HPSE2: variants seen among roughly 807,000 people sequenced by gnomAD.
HPSE2 encodes heparanase 2 (inactive).
A neutral mutation model predicts 60.5 loss-of-function variants in HPSE2; 38 were observed. The ratio of observed to expected loss-of-function variants is 0.63; its 90% CI spans 0.48 to 0.82. The LOEUF (loss-of-function observed/expected upper bound fraction) is 0.82. Ranked by LOEUF, HPSE2 falls within the 40% of genes least tolerant of loss-of-function variation. The pLI is 0.00. For synonymous variants in HPSE2, 295 were observed against 293.2 expected (o/e 1.01, Z -0.06); for missense variants, 713 against 740.4 (o/e 0.96, Z 0.43).
At chr10:98,594,186 C>T (rs556834708) in intron 9 of HPSE2, among the ~76,000 whole-genome samples, 1 of 151,972 alleles carries the variant, frequency 6.6e-6, no homozygotes, top group African/African-American at 2.4e-5. Flanking sequence ...TAGTGATTTT[C>T]AAGAATACAT....
intron 9 of HPSE2, among the ~76,000 whole-genome samples, chr10:98,580,824 T>TTATATATATATATATATATA (rs779671429): frequency 0.012 from 1,572 of 128,256 alleles, 29 homozygotes; most frequent in Middle Eastern, 0.02. Flanking sequence ...GTGCTTGGTT[T>TTATATATATATATATATATA]TATATATATA....
chr10:98,561,663 C>A (rs1944186492), intron 9 of HPSE2, among the ~76,000 whole-genome samples: 1 of 152,086 alleles, frequency 6.6e-6, no homozygotes, highest in African/African-American at 2.4e-5. Flanking sequence ...GCCTGGCCAA[C>A]ATGGTGAAAC....
At chr10:98,906,234 T>C (rs1243440203) in intron 3 of HPSE2, among the ~76,000 whole-genome samples, 1 of 152,172 alleles carries the variant, frequency 6.6e-6, no homozygotes, top group Non-Finnish European at 1.5e-5. Context: ...TGAAGAACAA[T>C]TTCCCCCCAA....
At chr10:98,991,101 T>C (rs1458393830) in intron 3 of HPSE2, among the ~76,000 whole-genome samples, 1 of 152,220 alleles carries the variant, frequency 6.6e-6, no homozygotes, top group African/African-American at 2.4e-5. Context: ...CTACCCATTT[T>C]TTAAAAATGT....
intron 2 of HPSE2, among the ~76,000 whole-genome samples, chr10:99,178,056 A>C (rs1412412676): frequency 6.6e-6 from 1 of 151,940 alleles, no homozygotes; most frequent in Non-Finnish European, 1.5e-5. Context: ...GATATAAATA[A>C]GTTCTTTGAA....
At chr10:98,818,387 G>T (rs191495353) in intron 3 of HPSE2, among the ~76,000 whole-genome samples, 1 of 152,258 alleles carries the variant, frequency 6.6e-6, no homozygotes, top group Non-Finnish European at 1.5e-5. Flanking sequence ...TCCCTCGCTT[G>T]TGCAGTTCAC....
chr10:98,745,987 T>C (rs1365240845), intron 3 of HPSE2, among the ~76,000 whole-genome samples: 1 of 152,120 alleles, frequency 6.6e-6, no homozygotes, highest in Non-Finnish European at 1.5e-5. Context: ...AAGCAGGATA[T>C]AGGAAGACTG....
intron 3 of HPSE2, among the ~76,000 whole-genome samples, chr10:98,745,334 T>C (rs1013039069): frequency 2.0e-5 from 3 of 152,252 alleles, no homozygotes; most frequent in African/African-American, 7.2e-5. Context: ...TTTTTCTGGC[T>C]GTCATTTACA....
chr10:98,970,107 G>A (rs1279708585), intron 3 of HPSE2, among the ~76,000 whole-genome samples: 1 of 152,078 alleles, frequency 6.6e-6, no homozygotes, highest in East Asian at 1.9e-4. Context: ...GATTACAGGT[G>A]CCCGCCACCA....
At chr10:98,630,207 T>G (rs1038698197) in intron 7 of HPSE2, among the ~76,000 whole-genome samples, 8 of 150,514 alleles carry the variant, frequency 5.3e-5, no homozygotes, top group South Asian at 4.2e-4. Context: ...TTTTTTTTTT[T>G]TTGTTTTTGA....
At chr10:98,557,427 G>C (rs1944043019) in intron 9 of HPSE2, among the ~76,000 whole-genome samples, 1 of 152,118 alleles carries the variant, frequency 6.6e-6, no homozygotes, top group African/African-American at 2.4e-5. Flanking sequence ...TATTCATATG[G>C]AAAAATGTTT....
At chr10:98,809,263 A>G (rs541447236) in intron 3 of HPSE2, among the ~76,000 whole-genome samples, 10 of 152,266 alleles carry the variant, frequency 6.6e-5, no homozygotes, top group Admixed American at 6.5e-4. Context: ...AATTGTCATG[A>G]GTTGGTAATT....
At chr10:98,791,993 T>G (rs1001676038) in intron 3 of HPSE2, among the ~76,000 whole-genome samples, 2 of 152,238 alleles carry the variant, frequency 1.3e-5, no homozygotes, top group African/African-American at 4.8e-5. Context: ...GTCTCAGATA[T>G]GTAACAGTTA....
At chr10:99,130,757 C>A (rs1845350523) in intron 3 of HPSE2, among the ~76,000 whole-genome samples, 1 of 152,186 alleles carries the variant, frequency 6.6e-6, no homozygotes, top group African/African-American at 2.4e-5. Context: ...TACAAGGTGA[C>A]AGACCCGGGG....
At chr10:99,047,832 A>G in intron 3 of HPSE2, 1 of 798,178 alleles carries the variant, frequency 1.3e-6, no homozygotes, top group Non-Finnish European at 2.2e-6. Flanking sequence ...AGGCAGATGT[A>G]CAGAACTGAA....
intron 2 of HPSE2, among the ~76,000 whole-genome samples, chr10:99,209,223 G>C (rs1301508287): frequency 6.6e-6 from 1 of 152,120 alleles, no homozygotes; most frequent in Non-Finnish European, 1.5e-5. Flanking sequence ...AATTCTCCAG[G>C]ATTGGTCATA....
At chr10:98,762,801 T>A in intron 3 of HPSE2, among the ~76,000 whole-genome samples, 1 of 151,670 alleles carries the variant, frequency 6.6e-6, no homozygotes. Context: ...AAAAAAATAA[T>A]AAAACAAAAC....
intron 3 of HPSE2, among the ~76,000 whole-genome samples, chr10:99,098,121 A>G (rs1425658159): frequency 1.3e-5 from 2 of 152,222 alleles, no homozygotes; most frequent in Non-Finnish European, 2.9e-5. Context: ...TTAGTCCTAC[A>G]TATCTATGGG....
At chr10:98,722,693 G>A (rs980983968) in intron 4 of HPSE2, among the ~76,000 whole-genome samples, 1 of 152,088 alleles carries the variant, frequency 6.6e-6, no homozygotes, top group Non-Finnish European at 1.5e-5. Flanking sequence ...TTCTAAAAGG[G>A]GAGAAAAATT....
Sources: gnomAD v4.1 joint callset for allele counts (sites outside exome capture counted in the v4.1 genomes callset) on GRCh38, gnomAD v4.1.1 for gene constraint, MANE v1.5 for transcripts, NCBI Gene and HGNC (gene_info 2026-07-23, HGNC 2026-07-21) for gene names.